The following TTLL4 variants were observed in gnomAD, a reference collection of about 807,000 sequenced individuals.
TTLL4 encodes the protein tubulin tyrosine ligase like 4, also known as tubulin monoglutamylase TTLL4.
Under a neutral mutation model 122.7 loss-of-function variants are expected in TTLL4, and 85 were observed. That is an observed-to-expected ratio of 0.69 (90% CI 0.58 to 0.83). The LOEUF (loss-of-function observed/expected upper bound fraction) is 0.83, where lower values mean the gene tolerates loss of function less well. Among genes scored for constraint, TTLL4 ranks in the 40% least tolerant of loss-of-function variants. TTLL4 has a pLI of 0.00. For missense variants in TTLL4, 1,363 were observed against 1,488.6 expected, an observed-to-expected ratio of 0.92 and a Z score of 1.39; for synonymous variants, 553 against 563.0, an observed-to-expected ratio of 0.98 and a Z score of 0.25.
downstream of TTLL4, among the ~76,000 whole-genome samples, chr2:218,759,633 CTA>C (rs1351528576): frequency 3.3e-5 from 5 of 152,186 alleles, no homozygotes; most frequent in East Asian, 9.7e-4. Flanking sequence ...GGATACATGA[CTA>C]TATACAGTTG....
intron 1 of TTLL4, among the ~76,000 whole-genome samples, chr2:218,723,781 G>A (rs1275125499): frequency 6.6e-6 from 1 of 152,044 alleles, no homozygotes; most frequent in East Asian, 1.9e-4. Flanking sequence ...GAAGTGTCAA[G>A]CTCATTAAAG....
chr2:218,756,806 T>C (rs1318517919), downstream of TTLL4, among the ~76,000 whole-genome samples: 2 of 152,152 alleles, frequency 1.3e-5, no homozygotes, highest in African/African-American at 2.4e-5. Flanking sequence ...GTGCAGGCTA[T>C]TTCTGGAGTA....
chr2:218,746,898 C>G (rs1442556548), intron 8 of TTLL4, 105 bp from the exon 9 acceptor site: 15 of 1,288,506 alleles, frequency 1.2e-5, no homozygotes, highest in Non-Finnish European at 1.3e-5. Flanking sequence ...GGAACAAAAG[C>G]TTGGAGTGCT....
chr2:218,744,196 G>A (rs570189073), intron 5 of TTLL4, among the ~76,000 whole-genome samples: 2 of 152,292 alleles, frequency 1.3e-5, no homozygotes, highest in African/African-American at 4.8e-5. Flanking sequence ...TTCACATACA[G>A]TGCCTATTTC....
chr2:218,747,339 A>C lies in TTLL4; in HGVS notation c.2216A>C (p.Gln739Pro). The change falls in exon 10 of 20, where the codon CAG (glutamine) becomes CCG (proline). Residue 739 changes from glutamine to proline, a missense_variant. This residue lies in a region of TTLL4 where 596 missense variants were observed against 655.8 expected (regional missense o/e 0.91). Transcript: ENST00000392102. The surrounding 1 kb of genome is among the most constrained non-coding windows in gnomAD (Gnocchi z 4.7). ...ATCCAGGTTATTCACAAGTGGAGTC[A>C]GCTCCCCAAGCGAAGGCCCCTCCTG... Reference protein sequence around the residue: ...IGIQVIHKWSQLPKRRPLLVQ... With the variant: ...IGIQVIHKWSPLPKRRPLLVQ... 1 of 1,614,196 alleles carries C rather than the reference A, an allele frequency of 6.2e-7. No individual in the cohort carries two copies. Among genetic ancestry groups the C allele is most frequent in the Non-Finnish European group, 8.5e-7 (1 of 1,180,042 alleles).
At position 218,737,547 on chromosome 2, in the gene TTLL4, G is replaced by GT; in HGVS notation, c.-98-31dup. 9 of 1,135,866 alleles carry GT rather than the reference G, an allele frequency of 7.9e-6. No individual in the cohort carries two copies. The South Asian group carries it at 1.1e-4, about 14-fold the overall frequency. The allele number at this position is 1,135,866 out of a possible 1,614,324, so 70.4% of individuals were successfully genotyped here. A position where few individuals can be genotyped will look rare whatever the true frequency, so the allele number is the denominator to read the frequency against. On this transcript the variant is annotated intron_variant, in intron 2 of 19. Coordinates refer to ENST00000392102, the MANE Select transcript of TTLL4 (RefSeq NM_014640.5). ...GCATGGTGTCCGTTCTCCTGGCACT[G>GT]TAACATTTCCTATCATTTCTCTCCA...
At chr2:218,721,231 C>T (rs1180610578) in intron 1 of TTLL4, among the ~76,000 whole-genome samples, 1 of 108,876 alleles carries the variant, frequency 9.2e-6, no homozygotes, top group Non-Finnish European at 1.7e-5. Context: ...CCTCAATTTA[C>T]CCCCAATTAA....
In TTLL4 at chr2:218,751,700, G is replaced by T; in HGVS notation, c.2874-4G>T. 6.2e-7 allele frequency: 1 copy of T among 1,611,384 alleles called. No homozygotes were observed. The highest frequency in any genetic ancestry group is 8.5e-7 in the Non-Finnish European group (1 of 1,178,388). On this transcript the variant is annotated splice_region_variant and splice_polypyrimidine_tract_variant and intron_variant, in intron 15 of 19. Transcript: ENST00000392102. ...CTTTGCTTTCTTTCTGGCCTCTGCC[G>T]TAGCCTGCCCACCTCCCCTGGGGAC...
At chr2:218,752,622 C>A in intron 16 of TTLL4, 141 bp from the exon 17 acceptor site, 1 of 807,530 alleles carries the variant, frequency 1.2e-6, no homozygotes, top group Non-Finnish European at 2.0e-6. Context: ...AGCTGGCCCA[C>A]TAGGCTGCCC....
chr2:218,748,814 ACTTC>A lies in TTLL4; in HGVS notation c.2502-19_2502-16del, dbSNP rs1942933065. On this transcript the variant is annotated intron_variant, in intron 12 of 19. Coordinates refer to ENST00000392102, the MANE Select transcript of TTLL4 (RefSeq NM_014640.5). ...TCATTCCTAGAATTTAATTCCTAAT[ACTTC>A]CTCTTCCTCCTCTGCAGGGCACTGA... 2 of 1,608,044 alleles carry A rather than the reference ACTTC, an allele frequency of 1.2e-6. No homozygotes were observed. Among genetic ancestry groups the A allele is most frequent in the Non-Finnish European group, 1.7e-6 (2 of 1,175,042 alleles).
chr2:218,753,036 A>T (rs1166432146), intron 17 of TTLL4, 63 bp downstream of exon 17: 2 of 1,613,346 alleles, frequency 1.2e-6, no homozygotes, highest in Non-Finnish European at 1.7e-6. Context: ...CCAGTATACC[A>T]AGAAATGGGC....
Position 218,750,114 on chromosome 2 carries a change from C to T in TTLL4, c.2841C>T (p.Ser947=), listed in dbSNP as rs139679041. The stretch of plus-strand genomic sequence containing the variant: ...TGCCCAATGCAGAGGATATCATTTC[C>T]AGCCCCAGCAGCTGCAGCAGCTCCA... The part of the protein sequence containing the change: ...FVLPNAEDII[S]SPSSCSSSTT... The change falls in exon 15 of 20, where the codon TCC becomes TCT. Residue 947 remains serine (S), a synonymous_variant. Transcript: ENST00000392102. The T allele has an allele frequency of 8.3e-5, 134 of 1,613,950 alleles. No homozygotes were observed. The highest frequency in any genetic ancestry group is 1.1e-4 in the Non-Finnish European group (128 of 1,179,896).
chr2:218,757,776 A>G, downstream of TTLL4, among the ~76,000 whole-genome samples: 1 of 152,192 alleles, frequency 6.6e-6, no homozygotes, highest in Admixed American at 6.5e-5. Flanking sequence ...CTGGACACAA[A>G]GACCTTTCTA....
Position 218,752,888 on chromosome 2 carries a change from C to T in TTLL4, c.3102C>T (p.Arg1034=). 6.2e-7 allele frequency: 1 copy of T among 1,614,204 alleles called. No homozygotes were observed. Among genetic ancestry groups the T allele is most frequent in the East Asian group, 2.2e-5 (1 of 44,890 alleles). The change falls in exon 17 of 20, where the codon CGC becomes CGT. Residue 1034 remains arginine (R), a synonymous_variant. Coordinates refer to ENST00000392102, the MANE Select transcript of TTLL4 (RefSeq NM_014640.5). The stretch of plus-strand genomic sequence containing the variant: ...TTTTTCCTTCTCATATCTCCTCTCG[C>T]TATCTCCGCTTTTTTGAGCAGCCAC... ...ERIFPSHISS[R]YLRFFEQPRY...
intron 6 of TTLL4, 149 bp downstream of exon 6, chr2:218,745,382 T>C: frequency 9.6e-7 from 1 of 1,045,732 alleles, no homozygotes; most frequent in Non-Finnish European, 1.4e-6. Flanking sequence ...CATGTGGTCG[T>C]AGGTCTGATG....
chr2:218,752,188 G>A (rs1943039970), intron 16 of TTLL4, among the ~76,000 whole-genome samples: 1 of 152,272 alleles, frequency 6.6e-6, no homozygotes, highest in East Asian at 1.9e-4. Context: ...GATTACAGGC[G>A]TGAGCCACCA....
chr2:218,725,396 G>GT lies in TTLL4; in HGVS notation c.-177-1863dup, dbSNP rs528036474. Among the ~76,000 whole-genome samples the GT allele has an allele frequency of 2.4e-3, 343 of 141,786 alleles. 6 individuals are homozygous for GT. The South Asian group carries it at 0.044, about 18-fold the overall frequency. 93.0% of individuals were successfully genotyped at this position (141,786 alleles called of 152,430 possible). ...CATCATGCCTAGCTAATTTTTTATG[G>GT]TTTTTTTTTTGTAGAGATAGGATCT... On this transcript the variant is annotated intron_variant, in intron 1 of 19. Transcript: ENST00000392102.
chr2:218,751,859 AT>A (rs1462356269), intron 16 of TTLL4, 53 bp downstream of exon 16: 1 of 1,310,708 alleles, frequency 7.6e-7, no homozygotes, highest in Non-Finnish European at 1.0e-6. Flanking sequence ...CTGGTCAAAC[AT>A]TTGGGACCCA....
intron 5 of TTLL4, among the ~76,000 whole-genome samples, chr2:218,743,658 G>A (rs915935942): frequency 2.6e-5 from 4 of 151,792 alleles, no homozygotes; most frequent in African/African-American, 7.3e-5. Flanking sequence ...ACCATTTTAC[G>A]TTTCTATCTT....
Sources: gnomAD v4.1 joint callset for allele counts (sites outside exome capture counted in the v4.1 genomes callset) on GRCh38, gnomAD v4.1.1 for gene constraint, gnomAD v4.1.1 regional missense constraint, Gnocchi (gnomAD v3.1) non-coding constraint, MANE v1.5 for transcripts, NCBI Gene and HGNC (gene_info 2026-07-23, HGNC 2026-07-21) for gene names.